The following RNF130 variants were observed in gnomAD, a reference collection of about 807,000 sequenced individuals.
RNF130 encodes the protein ring finger protein 130.
A neutral mutation model predicts 44.6 loss-of-function variants in RNF130; 21 were observed. The ratio of observed to expected loss-of-function variants is 0.47; its 90% CI spans 0.33 to 0.68. The LOEUF is 0.68. RNF130 is among the 30% of genes least tolerant of loss of function. The probability of loss-of-function intolerance (pLI) is 0.02; values close to 1 mark genes in which losing one functional copy is unlikely to be tolerated. For synonymous variants in RNF130, 214 were observed against 210.4 expected, an observed-to-expected ratio of 1.02 and a Z score of -0.15; for missense variants, 479 against 560.6, an observed-to-expected ratio of 0.85 and a Z score of 1.47.
chr5:179,912,843 G>A (rs1039392931), exon 8 of RNF130: 1 of 152,234 alleles, frequency 6.6e-6, no homozygotes, highest in East Asian at 1.9e-4. Flanking sequence ...GATAAAGGCT[G>A]TTCCAAAAGC....
chr5:179,989,349 C>G (rs1392906194), intron 3 of RNF130, among the ~76,000 whole-genome samples: 1 of 152,146 alleles, frequency 6.6e-6, no homozygotes, highest in African/African-American at 2.4e-5. Context: ...CAGCCGGATA[C>G]TGAATTTCCC....
At chr5:180,021,042 C>CACAATCTCGACTCACT (rs1554105068) in intron 2 of RNF130, among the ~76,000 whole-genome samples, 1 of 151,198 alleles carries the variant, frequency 6.6e-6, no homozygotes, top group Non-Finnish European at 1.5e-5. Flanking sequence ...AGTGCAGTGG[C>CACAATCTCGACTCACT]GCAATCTCTG....
intron 1 of RNF130, among the ~76,000 whole-genome samples, chr5:180,063,357 T>C (rs1191930324): frequency 1.3e-5 from 2 of 152,188 alleles, no homozygotes; most frequent in East Asian, 1.9e-4. Context: ...AGATGTGGAA[T>C]GTGAGCCAAA....
chr5:179,924,135 G>A (rs896413313), intron 7 of RNF130, among the ~76,000 whole-genome samples: 2 of 150,604 alleles, frequency 1.3e-5, no homozygotes, highest in African/African-American at 4.9e-5. Flanking sequence ...GCTTGAGCCC[G>A]GGAGTTCAAG....
At chr5:179,911,828 C>A (rs1761471788) in exon 8 of RNF130, 1 of 152,210 alleles carries the variant, frequency 6.6e-6, no homozygotes, top group African/African-American at 2.4e-5. Context: ...TTGATGAGAT[C>A]TGATTGTCAA....
chr5:180,013,375 T>G, intron 2 of RNF130, 64 bp from the exon 3 acceptor site: 5 of 1,383,228 alleles, frequency 3.6e-6, no homozygotes, highest in Non-Finnish European at 4.0e-6. Flanking sequence ...ATCAAATGTA[T>G]CAACACGCTA....
At chr5:180,023,793 T>A (rs2113109103) in intron 2 of RNF130, among the ~76,000 whole-genome samples, 1 of 152,354 alleles carries the variant, frequency 6.6e-6, no homozygotes, top group Middle Eastern at 3.4e-3. Flanking sequence ...GTAGATACTC[T>A]ACCCTAAGGG....
At chr5:179,957,881 C>CTT (rs35629659) in intron 8 of RNF130, among the ~76,000 whole-genome samples, 13 of 142,996 alleles carry the variant, frequency 9.1e-5, no homozygotes, top group African/African-American at 1.3e-4. Context: ...ATTCAAAATT[C>CTT]TTTTTTTTTT....
At chr5:179,986,998 A>C (rs1762968279) in intron 3 of RNF130, among the ~76,000 whole-genome samples, 1 of 152,130 alleles carries the variant, frequency 6.6e-6, no homozygotes, top group African/African-American at 2.4e-5. Context: ...TTGTACACAA[A>C]CTTTGTATTC....
rs757126025 is a variant in RNF130, at chr5:180,013,105, A to T, written c.649T>A (p.Phe217Ile). 6.2e-7 allele frequency: 1 copy of T among 1,614,084 alleles called. No homozygotes were observed. Among genetic ancestry groups the T allele is most frequent in the East Asian group, 2.2e-5 (1 of 44,884 alleles). The change falls in exon 3 of 9, where the codon TTC becomes ATC. Residue 217 changes from phenylalanine (F) to isoleucine (I), a missense_variant. Coordinates refer to ENST00000521389, the MANE Select transcript of RNF130 (RefSeq NM_018434.6). ...TTTGTGTACCTGATCTTCTGAATGA[A>T]GTAGAATATGAGCCATGCTGAAGAA... ...IISSAWLIFY[F>I]IQKIRYTNAR... is the part of the protein sequence containing the mutation.
chr5:180,033,532 C>T lies in RNF130; in HGVS notation c.442+6921G>A, dbSNP rs181171431. 6.2e-3 allele frequency among the ~76,000 whole-genome samples: 950 copies of T among 152,062 alleles called. 2 individuals carry two copies. Among genetic ancestry groups the T allele is most frequent in the Non-Finnish European group, 8.9e-3 (608 of 67,954 alleles). On this transcript the variant is annotated intron_variant, in intron 2 of 8. Coordinates refer to ENST00000521389, the MANE Select transcript of RNF130 (RefSeq NM_018434.6). ...TGAGGTCAGGAGTTCGAGACCAGCCCGGCCAACATGGTGAAACCATGGTGG... is the reference window on the plus strand; with the variant it reads ...TGAGGTCAGGAGTTCGAGACCAGCCTGGCCAACATGGTGAAACCATGGTGG...
At chr5:180,030,257 T>C (rs983881138) in intron 2 of RNF130, among the ~76,000 whole-genome samples, 2 of 152,220 alleles carry the variant, frequency 1.3e-5, no homozygotes, top group African/African-American at 4.8e-5. Flanking sequence ...ACTTGCTTTG[T>C]CTCTCCAAGT....
At chr5:179,942,835 A>G (rs1761983861) in intron 7 of RNF130, among the ~76,000 whole-genome samples, 1 of 152,182 alleles carries the variant, frequency 6.6e-6, no homozygotes, top group Non-Finnish European at 1.5e-5. Context: ...ACATATTTCC[A>G]GTTATGTGTA....
chr5:180,027,602 A>G (rs1582201434), intron 2 of RNF130, among the ~76,000 whole-genome samples: 1 of 152,156 alleles, frequency 6.6e-6, no homozygotes, highest in Non-Finnish European at 1.5e-5. Context: ...CTGAAACAGG[A>G]CCTTTCTATA....
chr5:179,981,308 C>T (rs973083353), intron 3 of RNF130, among the ~76,000 whole-genome samples: 7 of 152,130 alleles, frequency 4.6e-5, no homozygotes, highest in African/African-American at 1.4e-4. Context: ...ATCAGGGAGA[C>T]GTCACTCTAG....
chr5:180,023,553 A>T (rs1379805227), intron 2 of RNF130, among the ~76,000 whole-genome samples: 1 of 152,230 alleles, frequency 6.6e-6, no homozygotes, highest in Non-Finnish European at 1.5e-5. Context: ...ACAAAAAAAC[A>T]AAAATCCAAC....
intron 1 of RNF130, among the ~76,000 whole-genome samples, chr5:180,053,488 TCAAA>T (rs1432086742): frequency 2.0e-5 from 3 of 152,138 alleles, no homozygotes; most frequent in East Asian, 3.9e-4. Flanking sequence ...TAAGGAGGAC[TCAAA>T]CAAAACCTGA....
chr5:179,953,943 G>A (rs1033791701), downstream of RNF130, among the ~76,000 whole-genome samples: 1 of 152,106 alleles, frequency 6.6e-6, no homozygotes, highest in African/African-American at 2.4e-5. Flanking sequence ...AAAGCACCGG[G>A]ATAGACATTT....
chr5:180,057,747 A>G (rs954702219), intron 1 of RNF130, among the ~76,000 whole-genome samples: 7 of 152,200 alleles, frequency 4.6e-5, no homozygotes, highest in Admixed American at 3.9e-4. Flanking sequence ...TGTATCTTAC[A>G]TAACACCCTT....
Sources: gnomAD v4.1 joint callset for allele counts (sites outside exome capture counted in the v4.1 genomes callset) on GRCh38, gnomAD v4.1.1 for gene constraint, MANE v1.5 for transcripts, NCBI Gene and HGNC (gene_info 2026-07-23, HGNC 2026-07-21) for gene names.